LMBRD1: variants seen among roughly 807,000 people sequenced by gnomAD.
LMBRD1 encodes lysosomal cobalamin transport escort protein LMBD1.
A neutral mutation model predicts 74.8 loss-of-function variants in LMBRD1; 64 were observed. The ratio of observed to expected loss-of-function variants is 0.86; its 90% CI spans 0.70 to 1.05. The LOEUF (loss-of-function observed/expected upper bound fraction) is 1.05, where lower values mean the gene tolerates loss of function less well. Among genes scored for constraint, LMBRD1 ranks in the 50% least tolerant of loss-of-function variants. The pLI, the probability that LMBRD1 is intolerant of heterozygous loss-of-function variation, is 0.00. For synonymous variants in LMBRD1, 204 were observed against 216.3 expected (o/e 0.94, Z 0.50); for missense variants, 652 against 645.9 (o/e 1.01, Z -0.10).
In LMBRD1 at chr6:69,740,814, T is replaced by C. The variant is rs569329631; in HGVS notation, c.562+975A>G. 2.6e-5 allele frequency among the ~76,000 whole-genome samples: 4 copies of C among 152,298 alleles called. No homozygotes were observed. In the East Asian group the frequency reaches 7.7e-4, roughly 29 times the overall value. On this transcript the variant is annotated intron_variant, in intron 6 of 15. Transcript: ENST00000649934. ...TGAAAATAAGGTTACTATGTTCAAA[T>C]GCACAAGGAATTTTGAGTAATATGA...
At chr6:69,694,393 G>A (rs982807116) in intron 14 of LMBRD1, among the ~76,000 whole-genome samples, 3 of 152,086 alleles carry the variant, frequency 2.0e-5, no homozygotes, top group African/African-American at 7.2e-5. Flanking sequence ...AGCTAAATAT[G>A]CAACTCAAAG....
rs773844453 is a variant in LMBRD1 at position 69,790,442 on chromosome 6, G to C, written c.100C>G (p.Arg34Gly). The change falls in exon 2 of 16, where the codon CGT (arginine) becomes GGT (glycine). Residue 34 changes from arginine (R) to glycine (G), a missense_variant. Around this residue, in one of 3 missense-constraint regions of LMBRD1, gnomAD observed 598 missense variants for 581.8 expected, o/e 1.03. Coordinates refer to ENST00000649934, the MANE Select transcript of LMBRD1 (RefSeq NM_018368.4). ...CTTTCCCGCCGACTTTGGTATTTAC[G>C]AACATATATCCAGCAGAATGCCAAA... ...AILAFCWIYV[R>G]KYQSRRESEV... 1.2e-6 allele frequency: 2 copies of C among 1,613,936 alleles called. No homozygotes were observed. The highest frequency in any genetic ancestry group is 1.7e-6 in the Non-Finnish European group (2 of 1,179,922).
Position 69,674,486 on chromosome 6 carries a change from G to T in LMBRD1, c.*1672C>A, listed in dbSNP as rs564994469. On this transcript the variant is annotated 3_prime_UTR_variant, in exon 16 of 16. Transcript: ENST00000649934. ...CCTGATTCTTTGTTTAGGCAATCAAGTGTCTGCGGTGCCATTTGTCAAAAA... is the reference window on the plus strand; with the variant it reads ...CCTGATTCTTTGTTTAGGCAATCAATTGTCTGCGGTGCCATTTGTCAAAAA... Among the ~76,000 whole-genome samples, 2 of 152,324 alleles carry T rather than the reference G, an allele frequency of 1.3e-5. No individual in the cohort carries two copies. Among genetic ancestry groups the T allele is most frequent in the South Asian group, 4.1e-4 (2 of 4,830 alleles).
intron 3 of LMBRD1, among the ~76,000 whole-genome samples, chr6:69,759,236 T>C (rs948879690): frequency 2.0e-5 from 3 of 152,188 alleles, no homozygotes; most frequent in Admixed American, 1.3e-4. Context: ...GTAACAAGTA[T>C]ATATTTTATA....
At chr6:69,795,634 G>C (rs1766207349) in intron 1 of LMBRD1, among the ~76,000 whole-genome samples, 1 of 152,168 alleles carries the variant, frequency 6.6e-6, no homozygotes, top group Non-Finnish European at 1.5e-5. Context: ...ATACAGGACT[G>C]GGTGGCTGCA....
At chr6:69,769,347 T>C (rs183186482) in intron 3 of LMBRD1, among the ~76,000 whole-genome samples, 10 of 152,288 alleles carry the variant, frequency 6.6e-5, no homozygotes, top group African/African-American at 2.4e-4. Flanking sequence ...TTTCATTTTG[T>C]TATTTTTAAA....
chr6:69,679,529 G>A (rs766067274), intron 14 of LMBRD1, among the ~76,000 whole-genome samples: 18 of 151,936 alleles, frequency 1.2e-4, no homozygotes, highest in South Asian at 2.1e-4. Context: ...GACTGTTGAC[G>A]TTAAAAGGGG....
chr6:69,776,906 G>C (rs928474608), intron 3 of LMBRD1, among the ~76,000 whole-genome samples: 1 of 152,166 alleles, frequency 6.6e-6, no homozygotes, highest in Non-Finnish European at 1.5e-5. Flanking sequence ...TGTAATCCCA[G>C]CACTTTGAGA....
chr6:69,789,779 C>T (rs1438644019), intron 2 of LMBRD1, among the ~76,000 whole-genome samples: 1 of 152,106 alleles, frequency 6.6e-6, no homozygotes, highest in Non-Finnish European at 1.5e-5. Context: ...AACTCAGAAA[C>T]CTTTAGTCCA....
intron 14 of LMBRD1, among the ~76,000 whole-genome samples, chr6:69,678,320 G>T (rs1168847881): frequency 6.6e-6 from 1 of 152,004 alleles, no homozygotes; most frequent in Non-Finnish European, 1.5e-5. Flanking sequence ...TGGCTGATGG[G>T]AAGGGGAAGG....
At chr6:69,779,581 A>C (rs1765781779) in intron 3 of LMBRD1, among the ~76,000 whole-genome samples, 1 of 152,212 alleles carries the variant, frequency 6.6e-6, no homozygotes, top group Non-Finnish European at 1.5e-5. Context: ...ATACTTAGAA[A>C]AAATTTTTAG....
intron 13 of LMBRD1, among the ~76,000 whole-genome samples, chr6:69,698,633 A>G (rs1203319182): frequency 6.6e-6 from 1 of 151,984 alleles, no homozygotes; most frequent in Non-Finnish European, 1.5e-5. Context: ...AGTTATCTAC[A>G]TATAAAATTT....
chr6:69,734,064 T>C (rs1582100979), intron 7 of LMBRD1, among the ~76,000 whole-genome samples: 1 of 152,184 alleles, frequency 6.6e-6, no homozygotes, highest in East Asian at 1.9e-4. Flanking sequence ...GCCCATGGAC[T>C]TGAGATCCAC....
chr6:69,764,233 AG>A (rs1235740181), intron 3 of LMBRD1, among the ~76,000 whole-genome samples: 1 of 152,158 alleles, frequency 6.6e-6, no homozygotes, highest in African/African-American at 2.4e-5. Context: ...GGAGGTAATT[AG>A]GTTCAGATGA....
chr6:69,735,258 A>G (rs1024676702), intron 7 of LMBRD1, among the ~76,000 whole-genome samples: 1 of 152,118 alleles, frequency 6.6e-6, no homozygotes, highest in Non-Finnish European at 1.5e-5. Context: ...ACATACCTAC[A>G]CTAACTCCTA....
At position 69,736,845 on chromosome 6, in the gene LMBRD1, G is replaced by T. The variant is rs552204126; in HGVS notation, c.636+1097C>A. On this transcript the variant is annotated intron_variant, in intron 7 of 15. Transcript: ENST00000649934. ...CTAATTCCTAATTTGTTATTAACTT[G>T]TGACTACTTCTTAAAAGACAACTAC... Among the ~76,000 whole-genome samples, 3 of 152,260 alleles carry T rather than the reference G, an allele frequency of 2.0e-5. No individual in the cohort carries two copies. The South Asian group carries it at 6.2e-4, about 32-fold the overall frequency.
At position 69,796,923 on chromosome 6, in the gene LMBRD1, G is replaced by C; in HGVS notation, c.-42C>G. On this transcript the variant is annotated 5_prime_UTR_variant, in exon 1 of 16. Transcript: ENST00000649934. ...GACCAACCTGAGCGCCCGGGGTGGG[G>C]AAAGGGGAGGGGGAAAGGGGAGAGA... is the stretch of plus-strand genomic sequence containing the variant. 1.9e-6 allele frequency: 3 copies of C among 1,538,632 alleles called. No homozygotes were observed. Among genetic ancestry groups the C allele is most frequent in the Non-Finnish European group, 2.7e-6 (3 of 1,117,090 alleles).
intron 6 of LMBRD1, 46 bp downstream of exon 6, chr6:69,741,743 T>C (rs1423512211): frequency 8.8e-7 from 1 of 1,141,222 alleles, no homozygotes; most frequent in Non-Finnish European, 1.3e-6. Flanking sequence ...GTCCAAAGTA[T>C]CAGGAAATAT....
chr6:69,699,973 C>T (rs1016440729), intron 12 of LMBRD1, among the ~76,000 whole-genome samples: 2 of 151,760 alleles, frequency 1.3e-5, no homozygotes, highest in Admixed American at 1.3e-4. Context: ...CTGTAAAAGT[C>T]TTGTTTTATT....
Sources: allele counts gnomAD v4.1 joint callset (sites outside exome capture counted in the v4.1 genomes callset), GRCh38; gene constraint gnomAD v4.1.1; regional missense constraint gnomAD v4.1.1; transcripts MANE v1.5; gene names NCBI Gene and HGNC (gene_info 2026-07-23, HGNC 2026-07-21).